Variants in PLEKHA6 observed in about 807,000 individuals in gnomAD.
PLEKHA6 encodes the protein pleckstrin homology domain containing A6.
PLEKHA6 carries 60 observed loss-of-function variants against 116.7 expected under a neutral mutation model. The observed-to-expected ratio is 0.51, with a 90% confidence interval of 0.42 to 0.64. The LOEUF (loss-of-function observed/expected upper bound fraction) is 0.64, where lower values mean the gene tolerates loss of function less well. Among genes scored for constraint, PLEKHA6 ranks in the 30% least tolerant of loss-of-function variants. The probability of loss-of-function intolerance (pLI) is 0.00; values close to 1 mark genes in which losing one functional copy is unlikely to be tolerated. For missense variants in PLEKHA6, 1,338 were observed against 1,422.7 expected (o/e 0.94, Z 0.96); for synonymous variants, 489 against 556.1 (o/e 0.88, Z 1.70).
intron 3 of PLEKHA6, among the ~76,000 whole-genome samples, chr1:204,269,426 G>A (rs113459162): frequency 7.5e-6 from 1 of 132,694 alleles, no homozygotes; most frequent in African/African-American, 2.8e-5. Context: ...CTCATAGCCA[G>A]ATTATGGTGC....
intron 10 of PLEKHA6, among the ~76,000 whole-genome samples, 172 bp downstream of exon 10, chr1:204,250,374 G>C (rs957655301): frequency 1.3e-5 from 2 of 152,188 alleles, no homozygotes; most frequent in Admixed American, 1.3e-4. Context: ...GCAGAATCTT[G>C]TTGTGGTGAG....
At chr1:204,349,238 T>C (rs1673188869) in intron 1 of PLEKHA6, among the ~76,000 whole-genome samples, 1 of 152,186 alleles carries the variant, frequency 6.6e-6, no homozygotes, top group Non-Finnish European at 1.5e-5. Context: ...TCTCTCCCTA[T>C]AAGAATCCTT....
At chr1:204,270,081 G>C (rs1667291429) in intron 3 of PLEKHA6, among the ~76,000 whole-genome samples, 1 of 152,090 alleles carries the variant, frequency 6.6e-6, no homozygotes, top group Non-Finnish European at 1.5e-5. Flanking sequence ...CACTGTTATG[G>C]AATTAAGGCC....
intron 1 of PLEKHA6, among the ~76,000 whole-genome samples, chr1:204,285,593 A>G (rs1490343974): frequency 1.3e-4 from 20 of 151,236 alleles, no homozygotes; most frequent in Admixed American, 4.6e-4. Context: ...CTCCCACCTC[A>G]GCCTCCCCAG....
rs1353564751 is a variant in PLEKHA6, at chr1:204,259,629, A to G, written c.636T>C (p.Asp212=). The G allele has an allele frequency of 6.2e-7, 1 of 1,613,990 alleles. No homozygotes were observed. Among genetic ancestry groups the G allele is most frequent in the African/African-American group, 1.3e-5 (1 of 74,912 alleles). Residue 212 remains aspartate (D), a synonymous_variant, in exon 8 of 23, where the codon GAT becomes GAC. Transcript: ENST00000272203. The surrounding 1 kb of genome is among the most constrained non-coding windows in gnomAD (Gnocchi z 4.6). ...TCTCTGCCTTCTCACAGCCTCGGCC[A>G]TCACCCTCCCCTCGAGTCTTGGCCT... ...EPEAKTRGEG[D]GRGCEKAERR...
chr1:204,306,134 G>A (rs1478682887), intron 1 of PLEKHA6, among the ~76,000 whole-genome samples: 1 of 152,002 alleles, frequency 6.6e-6, no homozygotes, highest in Non-Finnish European at 1.5e-5. Context: ...CTCCTCCAAT[G>A]TATATCTCAC....
chr1:204,228,276 C>A lies in PLEKHA6; in HGVS notation c.2886-48G>T. 1 of 1,542,170 alleles carries A rather than the reference C, an allele frequency of 6.5e-7. No individual in the cohort carries two copies. The highest frequency in any genetic ancestry group is 8.8e-7 in the Non-Finnish European group (1 of 1,139,520). Reference sequence around the variant, plus strand: ...AAATGGAGGGAGGGACAGGATGGTCCAAGTGGCTTGAGGGGGCCTGCGGAC... The same window carrying A: ...AAATGGAGGGAGGGACAGGATGGTCAAAGTGGCTTGAGGGGGCCTGCGGAC... On this transcript the variant is annotated intron_variant, in intron 20 of 22. Transcript: ENST00000272203. The surrounding 1 kb of genome is among the most constrained non-coding windows in gnomAD (Gnocchi z 4.0).
intron 21 of PLEKHA6, among the ~76,000 whole-genome samples, chr1:204,226,501 G>C (rs1478867776): frequency 6.6e-6 from 1 of 152,158 alleles, no homozygotes; most frequent in Non-Finnish European, 1.5e-5. Flanking sequence ...AGAGCATGTG[G>C]AATCTGATCT....
At chr1:204,271,123 AT>A (rs988007863) in intron 3 of PLEKHA6, among the ~76,000 whole-genome samples, 41 of 151,760 alleles carry the variant, frequency 2.7e-4, no homozygotes, top group Admixed American at 1.5e-3. Flanking sequence ...AAACATTATG[AT>A]TTTTTTTTCT....
intron 1 of PLEKHA6, among the ~76,000 whole-genome samples, chr1:204,312,899 TC>T (rs1671712725): frequency 6.6e-6 from 1 of 150,950 alleles, no homozygotes; most frequent in Non-Finnish European, 1.5e-5. Context: ...TTTTTTCTTT[TC>T]CTTTCCCTCC....
At chr1:204,337,739 G>T (rs917066678) in intron 1 of PLEKHA6, among the ~76,000 whole-genome samples, 3 of 152,176 alleles carry the variant, frequency 2.0e-5, no homozygotes, top group African/African-American at 7.2e-5. Flanking sequence ...CAGGGAAAAT[G>T]ACTCACTTGT....
chr1:204,354,966 A>G (rs1297652036), intron 1 of PLEKHA6, among the ~76,000 whole-genome samples: 2 of 152,234 alleles, frequency 1.3e-5, no homozygotes, highest in Non-Finnish European at 2.9e-5. Context: ...CAAGTGTGCC[A>G]TTCCAGGGGA....
chr1:204,255,658 A>G (rs768366828), intron 9 of PLEKHA6: 26 of 702,892 alleles, frequency 3.7e-5, no homozygotes, highest in Non-Finnish European at 4.9e-5. Flanking sequence ...TTTCTTTGCA[A>G]CTGAAGATCT....
rs930839448 is a variant in PLEKHA6 at position 204,305,633 on chromosome 1, G to T, written c.-94-30824C>A. ...CACTTGGTCTGAGCTGCAAAGCACT[G>T]TACAATTGAACAAAAGGAAGAAATT... On this transcript the variant is annotated intron_variant, in intron 1 of 22. Coordinates refer to ENST00000272203, the MANE Select transcript of PLEKHA6 (RefSeq NM_014935.5). 2.0e-5 allele frequency among the ~76,000 whole-genome samples: 3 copies of T among 152,142 alleles called. No homozygotes were observed. In the South Asian group the frequency reaches 6.2e-4, roughly 32 times the overall value.
chr1:204,329,069 T>G (rs1239137642), intron 1 of PLEKHA6, among the ~76,000 whole-genome samples: 4 of 152,148 alleles, frequency 2.6e-5, no homozygotes, highest in African/African-American at 9.7e-5. Flanking sequence ...TATTATAGAG[T>G]TATTGTTAGG....
At position 204,223,626 on chromosome 1, in the gene PLEKHA6, G is replaced by GGAGGAGCC; in HGVS notation, c.3032-42_3032-41insGGCTCCTC. 1.6e-6 allele frequency: 1 copy of GGAGGAGCC among 625,222 alleles called. No homozygotes were observed. The highest frequency in any genetic ancestry group is 2.9e-6 in the Non-Finnish European group (1 of 345,498). The allele number at this position is 625,222 out of a possible 1,614,324, so 38.7% of individuals were successfully genotyped here. ...AACAGGGAGGTGAATGGGGGTGGGT[G>GGAGGAGCC]GGGGAGGAGGGTGGGCACCCAGAGC... On this transcript the variant is annotated intron_variant, in intron 21 of 22. Transcript: ENST00000272203. The surrounding 1 kb of genome is among the most constrained non-coding windows in gnomAD (Gnocchi z 4.8).
In PLEKHA6 at chr1:204,228,953, A is replaced by G; in HGVS notation, c.2735T>C (p.Val912Ala). The change falls in exon 19 of 23, where the codon GTG becomes GCG. Residue 912 changes from valine to alanine, a missense_variant. By Grantham distance (64) the Val-to-Ala change is moderately conservative. Transcript: ENST00000272203. The surrounding 1 kb of genome is among the most constrained non-coding windows in gnomAD (Gnocchi z 4.0). The part of the protein sequence containing the change: ...KMELEPQHYD[V>A]DINKELSTPD... ...TCCACTCACCTCCTTATTGATGTCCACGTCATAATGCTGGGGCTCTAGCTC... is the reference window on the plus strand; with the variant it reads ...TCCACTCACCTCCTTATTGATGTCCGCGTCATAATGCTGGGGCTCTAGCTC... The G allele has an allele frequency of 6.2e-7, 1 of 1,614,014 alleles. No individual in the cohort carries two copies. Among genetic ancestry groups the G allele is most frequent in the Non-Finnish European group, 8.5e-7 (1 of 1,179,976 alleles).
chr1:204,223,688 A>G lies in PLEKHA6; in HGVS notation c.3032-103T>C. ...TCCCCAGGCAGGGAGTGAGGCAGGG[A>G]GGCAAGCGAAGAGAGAGCACTGAGC... On this transcript the variant is annotated intron_variant, in intron 21 of 22. Coordinates refer to ENST00000272203, the MANE Select transcript of PLEKHA6 (RefSeq NM_014935.5). This position sits in a 1 kb window ranked among gnomAD's most constrained non-coding sequence, Gnocchi z 4.8. The G allele has an allele frequency of 3.1e-6, 2 of 640,382 alleles. No homozygotes were observed. The highest frequency in any genetic ancestry group is 3.7e-5 in the South Asian group (2 of 54,620). 39.7% of individuals were successfully genotyped at this position (640,382 alleles called of 1,614,324 possible).
intron 1 of PLEKHA6, among the ~76,000 whole-genome samples, chr1:204,282,414 C>T (rs558914557): frequency 2.6e-5 from 4 of 152,142 alleles, no homozygotes; most frequent in Admixed American, 2.0e-4. Flanking sequence ...GATTCAAATA[C>T]TGAAGCTCTT....
Sources: allele counts gnomAD v4.1 joint callset (sites outside exome capture counted in the v4.1 genomes callset), GRCh38; gene constraint gnomAD v4.1.1; non-coding constraint Gnocchi (gnomAD v3.1); transcripts MANE v1.5; gene names NCBI Gene and HGNC (gene_info 2026-07-23, HGNC 2026-07-21).